The following SSH2 variants were observed in gnomAD, a reference collection of about 807,000 sequenced individuals.
SSH2 encodes the protein slingshot protein phosphatase 2.
A neutral mutation model predicts 135.2 loss-of-function variants in SSH2; 37 were observed. That is an observed-to-expected ratio of 0.27 (90% CI 0.21 to 0.36). SSH2 has a LOEUF of 0.36. SSH2 is among the 10% of genes least tolerant of loss of function. The probability of loss-of-function intolerance (pLI) is 1.00; values close to 1 mark genes in which losing one functional copy is unlikely to be tolerated. For missense variants in SSH2, 1,408 were observed against 1,765.3 expected, an observed-to-expected ratio of 0.80 and a Z score of 3.63; for synonymous variants, 628 against 646.2, an observed-to-expected ratio of 0.97 and a Z score of 0.43.
intron 14 of SSH2, among the ~76,000 whole-genome samples, chr17:29,638,067 T>C (rs1361338949): frequency 6.6e-6 from 1 of 151,476 alleles, no homozygotes; most frequent in East Asian, 1.9e-4. Context: ...TGGGCCGAGA[T>C]TGCACCAATG....
chr17:29,868,358 C>T (rs1257066630), intron 1 of SSH2, among the ~76,000 whole-genome samples: 1 of 152,110 alleles, frequency 6.6e-6, no homozygotes, highest in Non-Finnish European at 1.5e-5. Flanking sequence ...CTCGGTCACC[C>T]ACAGTTCAGT....
chr17:29,668,813 TC>T, intron 9 of SSH2, among the ~76,000 whole-genome samples: 1 of 152,192 alleles, frequency 6.6e-6, no homozygotes, highest in Non-Finnish European at 1.5e-5. Context: ...TAAGCAATTT[TC>T]CCCTCAATCC....
At chr17:29,690,347 G>T (rs2038413598) in intron 5 of SSH2, among the ~76,000 whole-genome samples, 1 of 151,166 alleles carries the variant, frequency 6.6e-6, no homozygotes, top group Non-Finnish European at 1.5e-5. Flanking sequence ...GGAGGTTGTG[G>T]TGAGCCAAGA....
intron 14 of SSH2, among the ~76,000 whole-genome samples, chr17:29,642,947 C>A (rs950590881): frequency 6.6e-6 from 1 of 152,160 alleles, no homozygotes; most frequent in Non-Finnish European, 1.5e-5. Context: ...ATGGAGCTAC[C>A]GAATGCTAGG....
rs1215259666 is a variant in SSH2 at position 29,895,290 on chromosome 17, T to C, written c.63+34648A>G. 1.1e-3 allele frequency among the ~76,000 whole-genome samples: 132 copies of C among 119,722 alleles called. 1 individual carries two copies. The highest frequency in any genetic ancestry group is 1.6e-3 in the Non-Finnish European group (95 of 61,056). The allele number at this position is 119,722 out of a possible 152,430, so 78.5% of individuals were successfully genotyped here. ...AAATATATAAAATATATTTTATATA[T>C]ACATTTTATATATGAAATATATAAA... On this transcript the variant is annotated intron_variant, in intron 1 of 15. Coordinates refer to ENST00000540801, the MANE Select transcript of SSH2 (RefSeq NM_001282129.2).
chr17:29,754,465 G>T (rs1312445970), intron 3 of SSH2, among the ~76,000 whole-genome samples: 1 of 152,078 alleles, frequency 6.6e-6, no homozygotes, highest in Non-Finnish European at 1.5e-5. Context: ...TACTGCTGAC[G>T]CTGAGCCTTA....
intron 1 of SSH2, among the ~76,000 whole-genome samples, chr17:29,874,110 T>C (rs1163195739): frequency 6.6e-6 from 1 of 152,056 alleles, no homozygotes; most frequent in Non-Finnish European, 1.5e-5. Flanking sequence ...CTGGGCAACA[T>C]GGCAAAACCC....
At chr17:29,816,226 G>A (rs985087605) in intron 2 of SSH2, among the ~76,000 whole-genome samples, 2 of 152,140 alleles carry the variant, frequency 1.3e-5, no homozygotes, top group African/African-American at 4.8e-5. Context: ...GGAAGCCAAA[G>A]AACGAATATA....
chr17:29,654,483 G>A (rs2036704449), intron 12 of SSH2, among the ~76,000 whole-genome samples: 1 of 152,140 alleles, frequency 6.6e-6, no homozygotes, highest in African/African-American at 2.4e-5. Context: ...AAGATAACCA[G>A]GAGGCTTATG....
chr17:29,917,927 C>G (rs2151482450), intron 1 of SSH2, among the ~76,000 whole-genome samples: 1 of 152,114 alleles, frequency 6.6e-6, no homozygotes, highest in South Asian at 2.1e-4. Flanking sequence ...TGCCTGTAAT[C>G]CCGGCACTTT....
chr17:29,672,614 AG>A (rs962801119), intron 8 of SSH2, among the ~76,000 whole-genome samples: 4 of 152,346 alleles, frequency 2.6e-5, no homozygotes, highest in African/African-American at 9.6e-5. Flanking sequence ...TTTAATGTCC[AG>A]GAAGTGTTGA....
chr17:29,850,697 C>A (rs935202897), intron 1 of SSH2, among the ~76,000 whole-genome samples: 1 of 152,128 alleles, frequency 6.6e-6, no homozygotes, highest in African/African-American at 2.4e-5. Flanking sequence ...TATTTAAAAT[C>A]ATTGTTGCCC....
At chr17:29,843,472 G>T (rs1425391663) in intron 2 of SSH2, among the ~76,000 whole-genome samples, 1 of 151,828 alleles carries the variant, frequency 6.6e-6, no homozygotes, top group African/African-American at 2.4e-5. Context: ...CATGAGAATC[G>T]CTTGAATCCA....
chr17:29,818,540 G>T (rs767059744), intron 2 of SSH2, among the ~76,000 whole-genome samples: 3 of 152,082 alleles, frequency 2.0e-5, no homozygotes, highest in African/African-American at 7.2e-5. Context: ...AAGCCACTGC[G>T]CCCAGCCCGC....
At chr17:29,908,259 C>T (rs1050675937) in intron 1 of SSH2, among the ~76,000 whole-genome samples, 1 of 151,842 alleles carries the variant, frequency 6.6e-6, no homozygotes, top group Non-Finnish European at 1.5e-5. Context: ...CAAGACCAGC[C>T]TGGGCAACAT....
At chr17:29,850,351 G>A (rs1435741930) in intron 1 of SSH2, among the ~76,000 whole-genome samples, 1 of 152,178 alleles carries the variant, frequency 6.6e-6, no homozygotes, top group African/African-American at 2.4e-5. Flanking sequence ...TGATGCATAA[G>A]CTTACGTCAT....
chr17:29,703,815 G>C (rs958470138), intron 3 of SSH2, among the ~76,000 whole-genome samples: 3 of 150,264 alleles, frequency 2.0e-5, no homozygotes, highest in African/African-American at 7.4e-5. Context: ...CTGATGTCAT[G>C]TGATCCACCA....
chr17:29,774,667 A>G (rs2041658054), intron 3 of SSH2, among the ~76,000 whole-genome samples: 1 of 152,212 alleles, frequency 6.6e-6, no homozygotes, highest in South Asian at 2.1e-4. Flanking sequence ...CATGATGGGC[A>G]AAACTTTGGT....
chr17:29,929,200 A>G (rs1159909529), intron 1 of SSH2: 1 of 152,226 alleles, frequency 6.6e-6, no homozygotes, highest in Non-Finnish European at 1.5e-5. Context: ...GTAACGAGCC[A>G]TACAAACACG....
Sources: allele counts gnomAD v4.1 joint callset (sites outside exome capture counted in the v4.1 genomes callset), GRCh38; gene constraint gnomAD v4.1.1; transcripts MANE v1.5; gene names NCBI Gene and HGNC (gene_info 2026-07-23, HGNC 2026-07-21).